Variants in OIP5 observed in about 807,000 individuals in gnomAD.
OIP5 encodes Opa interacting protein 5.
A neutral mutation model predicts 20.3 loss-of-function variants in OIP5; 24 were observed. The observed-to-expected ratio is 1.18, with a 90% CI of 0.86 to 1.66. The LOEUF is 1.66. Among genes scored for constraint, OIP5 ranks in the 40% most tolerant of loss-of-function variants. OIP5 has a pLI of 0.00. For synonymous variants in OIP5, 143 were observed against 121.3 expected, an observed-to-expected ratio of 1.18 and a Z score of -1.17; for missense variants, 339 against 289.5, an observed-to-expected ratio of 1.17 and a Z score of -1.24.
chr15:41,309,875 A>G (rs767171708), intron 4 of OIP5, 26 bp from the exon 5 acceptor site: 1 of 1,500,382 alleles, frequency 6.7e-7, no homozygotes, highest in Admixed American at 1.8e-5. Context: ...TATAGATATC[A>G]GGGCATCTTT....
At chr15:41,322,804 G>A (rs930566593) in intron 2 of OIP5, among the ~76,000 whole-genome samples, 3 of 152,000 alleles carry the variant, frequency 2.0e-5, no homozygotes, top group Non-Finnish European at 4.4e-5. Flanking sequence ...GCCTGGTGGC[G>A]GGTGCCTGTA....
chr15:41,313,441 T>A (rs758333381), intron 3 of OIP5, 87 bp from the exon 4 acceptor site: 183 of 735,268 alleles, frequency 2.5e-4, no homozygotes, highest in Middle Eastern at 7.5e-4. Context: ...AAAGTATGTG[T>A]CAAAAAAAGC....
intron 3 of OIP5, among the ~76,000 whole-genome samples, chr15:41,317,958 C>G (rs888914897): frequency 6.6e-6 from 1 of 152,090 alleles, no homozygotes; most frequent in African/African-American, 2.4e-5. Context: ...AGATTACAGG[C>G]ATGACCCACC....
chr15:41,319,590 T>C lies in OIP5; in HGVS notation c.512+68A>G, dbSNP rs1050222922. ...TCCTGAAAAACCTTTTAAAATTTAT[T>C]TGATGGACTTTGTCTCAAAATAAAT... On this transcript the variant is annotated intron_variant, in intron 3 of 4. Coordinates refer to ENST00000220514, the MANE Select transcript of OIP5 (RefSeq NM_007280.2). The C allele has an allele frequency of 2.3e-5, 34 of 1,507,486 alleles. No homozygotes were observed. The Admixed American group carries it at 3.8e-4, about 17-fold the overall frequency. 93.4% of individuals were successfully genotyped at this position (1,507,486 alleles called of 1,614,324 possible).
intron 3 of OIP5, among the ~76,000 whole-genome samples, chr15:41,314,141 G>T (rs1300877916): frequency 6.6e-6 from 1 of 151,646 alleles, no homozygotes; most frequent in Non-Finnish European, 1.5e-5. Context: ...TCGCTCTGTT[G>T]CCCAGACTAG....
chr15:41,327,729 A>C lies in OIP5; in HGVS notation c.389+4186T>G, dbSNP rs1400223506. 2.6e-5 allele frequency among the ~76,000 whole-genome samples: 4 copies of C among 152,012 alleles called. No individual in the cohort carries two copies. The East Asian group carries it at 7.8e-4, about 30-fold the overall frequency. ...CTTGAACCCGGGAGGCGGAGTTTGC[A>C]GTGAGCCAAGATCCTGCCACTGCAC... is the stretch of plus-strand genomic sequence containing the variant. On this transcript the variant is annotated intron_variant, in intron 2 of 4. Transcript: ENST00000220514.
intron 2 of OIP5, among the ~76,000 whole-genome samples, chr15:41,327,560 T>C (rs987352726): frequency 4.0e-5 from 6 of 148,874 alleles, no homozygotes; most frequent in African/African-American, 1.3e-4. Flanking sequence ...GAGGCTGAGG[T>C]GGGAGGATCA....
intron 3 of OIP5, among the ~76,000 whole-genome samples, chr15:41,315,370 A>G (rs2047783331): frequency 6.6e-6 from 1 of 151,756 alleles, no homozygotes; most frequent in Admixed American, 6.6e-5. Context: ...CGGAGGTTGC[A>G]ATGAGCTGAG....
intron 2 of OIP5, among the ~76,000 whole-genome samples, chr15:41,330,408 T>C (rs1241213597): frequency 1.4e-5 from 2 of 141,942 alleles, no homozygotes; most frequent in Admixed American, 1.4e-4. Context: ...CCGTAATCAG[T>C]ATTTTTTTTT....
At chr15:41,327,556 G>C (rs1475943160) in intron 2 of OIP5, among the ~76,000 whole-genome samples, 3 of 149,766 alleles carry the variant, frequency 2.0e-5, no homozygotes, top group Admixed American at 6.6e-5. Flanking sequence ...TTGGGAGGCT[G>C]AGGTGGGAGG....
intron 3 of OIP5, among the ~76,000 whole-genome samples, chr15:41,318,769 A>G (rs1171342229): frequency 6.6e-6 from 1 of 151,376 alleles, no homozygotes; most frequent in Admixed American, 6.6e-5. Flanking sequence ...ATCACAGCAA[A>G]ATGTAACCTT....
chr15:41,320,376 T>G (rs929708597), intron 2 of OIP5, among the ~76,000 whole-genome samples: 1 of 149,056 alleles, frequency 6.7e-6, no homozygotes, highest in African/African-American at 2.4e-5. Flanking sequence ...GCAACCTCCC[T>G]GCCTGATTCT....
intron 2 of OIP5, among the ~76,000 whole-genome samples, chr15:41,320,488 T>C (rs1311747169): frequency 6.6e-6 from 1 of 152,170 alleles, no homozygotes. Flanking sequence ...CTGTGTTGGC[T>C]GGGCTGGTCT....
intron 3 of OIP5, among the ~76,000 whole-genome samples, chr15:41,319,078 T>C (rs1425326834): frequency 6.6e-6 from 1 of 151,478 alleles, no homozygotes; most frequent in African/African-American, 2.4e-5. Flanking sequence ...TTTTTTCTTT[T>C]TTTTTTTTTT....
chr15:41,332,434 A>T lies in OIP5; in HGVS notation c.128T>A (p.Val43Glu). Reference protein sequence around the residue: ...FTTSMEWDTQVVKGSSPLGPA... With the variant: ...FTTSMEWDTQEVKGSSPLGPA... ...GCCGAGCGGCGAGGACCCCTTCACC[A>T]CCTGCGTATCCCACTCCATGGAGGT... is the stretch of plus-strand genomic sequence containing the variant. Residue 43 changes from valine (V) to glutamate (E), a missense_variant, in exon 1 of 5, where the codon GTG (valine) becomes GAG (glutamate). By Grantham distance (121) the Val-to-Glu change is moderately radical. Transcript: ENST00000220514. The T allele has an allele frequency of 6.2e-7, 1 of 1,613,902 alleles. No individual in the cohort carries two copies. The highest frequency in any genetic ancestry group is 8.5e-7 in the Non-Finnish European group (1 of 1,179,882).
rs139158058 is a variant in OIP5 at position 41,320,263 on chromosome 15, C to T, written c.390-483G>A. On this transcript the variant is annotated intron_variant, in intron 2 of 4. Transcript: ENST00000220514. ...AGTTAATGAAAAAAATGCGCCCTCT[C>T]CCTCTCCCTCCTCTCCCCACGGTCT... 9.8e-3 allele frequency among the ~76,000 whole-genome samples: 1,490 copies of T among 152,068 alleles called. 12 individuals carry two copies. The highest frequency in any genetic ancestry group is 0.015 in the Non-Finnish European group (990 of 67,982).
chr15:41,326,934 C>G (rs932370015), intron 2 of OIP5, among the ~76,000 whole-genome samples: 2 of 151,932 alleles, frequency 1.3e-5, no homozygotes, highest in African/African-American at 4.8e-5. Flanking sequence ...TCTCCATATC[C>G]TTATCAGTAG....
At chr15:41,319,187 C>T (rs931379085) in intron 3 of OIP5, among the ~76,000 whole-genome samples, 3 of 151,732 alleles carry the variant, frequency 2.0e-5, no homozygotes, top group Admixed American at 6.6e-5. Context: ...ATTCTCTTGC[C>T]GCAGCCTCCC....
In OIP5 at chr15:41,332,531, G is replaced by A. The variant is rs374036062; in HGVS notation, c.31C>T (p.Arg11Cys). 6.8e-6 allele frequency: 11 copies of A among 1,611,300 alleles called. No individual in the cohort carries two copies. The highest frequency in any genetic ancestry group is 6.7e-5 in the African/African-American group (5 of 74,816). MAAQPLRHRS[R>C]CATPPRGDFC... Reference sequence around the variant, plus strand: ...TCCCCCCGGGGCGGCGTTGCACAACGTGAGCGATGCCGCAGCGGCTGAGCC... The same window carrying A: ...TCCCCCCGGGGCGGCGTTGCACAACATGAGCGATGCCGCAGCGGCTGAGCC... Residue 11 changes from arginine to cysteine, a missense_variant, in exon 1 of 5, where the codon CGT (arginine) becomes TGT (cysteine). Physicochemically the swap from Arg to Cys is radical, Grantham distance 180 (BLOSUM62 -3). Transcript: ENST00000220514.
Sources: gnomAD v4.1 joint callset for allele counts (sites outside exome capture counted in the v4.1 genomes callset) on GRCh38, gnomAD v4.1.1 for gene constraint, MANE v1.5 for transcripts, NCBI Gene and HGNC (gene_info 2026-07-23, HGNC 2026-07-21) for gene names.